The following PPARA variants were observed in gnomAD, a reference collection of about 807,000 sequenced individuals.
The protein encoded by PPARA is peroxisome proliferator activated receptor alpha, also known as peroxisome proliferator-activated receptor alpha.
Under a neutral mutation model 42.2 loss-of-function variants are expected in PPARA, and 22 were observed. That is an observed-to-expected ratio of 0.52 (90% CI 0.37 to 0.74). The LOEUF is 0.74. Among genes scored for constraint, PPARA ranks in the 30% least tolerant of loss-of-function variants. PPARA has a pLI of 0.00. For missense variants in PPARA, 465 were observed against 608.2 expected, an observed-to-expected ratio of 0.76 and a Z score of 2.48; for synonymous variants, 242 against 239.3, an observed-to-expected ratio of 1.01 and a Z score of -0.10.
rs921663111 is a variant in PPARA at position 46,232,963 on chromosome 22, C to T, written c.1159+724C>T. ...CGCCACCACACTCCAGCCTGGGCGACGAAGAATGACCCTGTCTCAAAAAAA... is the reference window on the plus strand; with the variant it reads ...CGCCACCACACTCCAGCCTGGGCGATGAAGAATGACCCTGTCTCAAAAAAA... On this transcript the variant is annotated intron_variant, in intron 8 of 8. Transcript: ENST00000407236. The surrounding 1 kb of genome is among the most constrained non-coding windows in gnomAD (Gnocchi z 5.3). 1.6e-4 allele frequency among the ~76,000 whole-genome samples: 20 copies of T among 128,202 alleles called. No homozygotes were observed. The East Asian group carries it at 2.5e-3, about 16-fold the overall frequency. 84.1% of individuals were successfully genotyped at this position (128,202 alleles called of 152,430 possible).
chr22:46,169,633 C>T (rs1285048790), intron 2 of PPARA, among the ~76,000 whole-genome samples: 1 of 151,962 alleles, frequency 6.6e-6, no homozygotes, highest in Non-Finnish European at 1.5e-5. Context: ...AAGCCCAAAA[C>T]TTCTCTAAAT....
rs946120482 is a variant in PPARA, at chr22:46,182,819, A to G, written c.-43+5983A>G. 1.3e-5 allele frequency among the ~76,000 whole-genome samples: 2 copies of G among 152,178 alleles called. No homozygotes were observed. The highest frequency in any genetic ancestry group is 2.9e-5 in the Non-Finnish European group (2 of 68,020). The stretch of plus-strand genomic sequence containing the variant: ...GAGTGCAATGGCACCGTCTCAGAGC[A>G]CTGTAACCTCCGCCTCCCGGGTTCA... On this transcript the variant is annotated intron_variant, in intron 3 of 8. Transcript: ENST00000407236. The surrounding 1 kb of genome is among the most constrained non-coding windows in gnomAD (Gnocchi z 5.2).
chr22:46,235,529 T>A lies in PPARA; in HGVS notation c.*149T>A, dbSNP rs1936161931. On this transcript the variant is annotated 3_prime_UTR_variant, in exon 9 of 9. Transcript: ENST00000407236. This position sits in a 1 kb window ranked among gnomAD's most constrained non-coding sequence, Gnocchi z 7.0. ...TGAGCTGTAGGTAACCGGCATATTA[T>A]TCCATATCTTTGTTTTAACCAGTAC... The A allele has an allele frequency of 9.6e-7, 1 of 1,039,508 alleles. No individual in the cohort carries two copies. Among genetic ancestry groups the A allele is most frequent in the East Asian group, 2.6e-5 (1 of 38,416 alleles). The allele number at this position is 1,039,508 out of a possible 1,614,324, so 64.4% of individuals were successfully genotyped here. A position where few individuals can be genotyped will look rare whatever the true frequency, so the allele number is the denominator to read the frequency against.
At chr22:46,155,858 C>T (rs1484650354) in intron 2 of PPARA, 2 of 152,198 alleles carry the variant, frequency 1.3e-5, no homozygotes, top group Admixed American at 6.5e-5. Flanking sequence ...GCTTCTTTTT[C>T]CAAGTATTTC....
rs1373284725 is a variant in PPARA at position 46,225,204 on chromosome 22, G to A, written c.711+5190G>A. On this transcript the variant is annotated intron_variant, in intron 7 of 8. Transcript: ENST00000407236. This position sits in a 1 kb window ranked among gnomAD's most constrained non-coding sequence, Gnocchi z 4.1. ...GTCCATCTGGACACTGGGACTGTTT[G>A]AGCCCCTGAGATTTCAGAACCGTGG... Among the ~76,000 whole-genome samples, 2 of 152,238 alleles carry A rather than the reference G, an allele frequency of 1.3e-5. No individual in the cohort carries two copies. Among genetic ancestry groups the A allele is most frequent in the Non-Finnish European group, 2.9e-5 (2 of 67,998 alleles).
chr22:46,198,018 T>G (rs1371334704), intron 3 of PPARA, among the ~76,000 whole-genome samples: 3 of 150,532 alleles, frequency 2.0e-5, no homozygotes, highest in East Asian at 3.9e-4. Context: ...GAATACGAGC[T>G]CAGGAGATCG....
intron 2 of PPARA, among the ~76,000 whole-genome samples, chr22:46,158,169 G>A (rs1421774464): frequency 1.3e-5 from 2 of 152,146 alleles, no homozygotes; most frequent in Non-Finnish European, 2.9e-5. Flanking sequence ...AGCACTTTGG[G>A]AGGCCGAGGT....
chr22:46,193,718 A>C lies in PPARA; in HGVS notation c.-42-4624A>C, dbSNP rs1457707774. ...ACCTCCCATCATTGCTGGGACTGGA[A>C]CAGAAGCCCTACCTTTTCCCAACAC... On this transcript the variant is annotated intron_variant, in intron 3 of 8. Transcript: ENST00000407236. This position sits in a 1 kb window ranked among gnomAD's most constrained non-coding sequence, Gnocchi z 5.3. Among the ~76,000 whole-genome samples, 3 of 152,196 alleles carry C rather than the reference A, an allele frequency of 2.0e-5. No homozygotes were observed. Among genetic ancestry groups the C allele is most frequent in the African/African-American group, 7.2e-5 (3 of 41,450 alleles).
chr22:46,235,741 C>G lies in PPARA; in HGVS notation c.*361C>G, dbSNP rs574688883. The G allele has an allele frequency of 6.0e-6, 2 of 332,092 alleles. No homozygotes were observed. The highest frequency in any genetic ancestry group is 5.6e-5 in the South Asian group (2 of 35,770). 20.6% of individuals were successfully genotyped at this position (332,092 alleles called of 1,614,324 possible). A position where few individuals can be genotyped will look rare whatever the true frequency, so the allele number is the denominator to read the frequency against. ...AACCTCAAAATTCGTGGCCTGTCTT[C>G]CCATTCACCCCGCTTTTGACTATTG... On this transcript the variant is annotated 3_prime_UTR_variant, in exon 9 of 9. Transcript: ENST00000407236. The surrounding 1 kb of genome is among the most constrained non-coding windows in gnomAD (Gnocchi z 7.0).
rs956001607 is a variant in PPARA at position 46,182,328 on chromosome 22, A to G, written c.-43+5492A>G. Reference sequence around the variant, plus strand: ...ATTCAGATGCCATTAATAGGTGAATATATTCTCAAACTGTGGTTATCCATA... The same window carrying G: ...ATTCAGATGCCATTAATAGGTGAATGTATTCTCAAACTGTGGTTATCCATA... On this transcript the variant is annotated intron_variant, in intron 3 of 8. Transcript: ENST00000407236. This position sits in a 1 kb window ranked among gnomAD's most constrained non-coding sequence, Gnocchi z 5.2. Among the ~76,000 whole-genome samples, 7 of 152,368 alleles carry G rather than the reference A, an allele frequency of 4.6e-5. No homozygotes were observed. Among genetic ancestry groups the G allele is most frequent in the Non-Finnish European group, 1.0e-4 (7 of 68,042 alleles).
rs370351813 is a variant in PPARA at position 46,184,737 on chromosome 22, A to G, written c.-43+7901A>G. Among the ~76,000 whole-genome samples, 1 of 152,204 alleles carries G rather than the reference A, an allele frequency of 6.6e-6. No individual in the cohort carries two copies. The highest frequency in any genetic ancestry group is 2.1e-4 in the South Asian group (1 of 4,808). ...AGGCGTGGTGGCGCACGCCTGTAGT[A>G]CCAGCTATTCGGGAGGCTGAGGCAC... On this transcript the variant is annotated intron_variant, in intron 3 of 8. Coordinates refer to ENST00000407236, the MANE Select transcript of PPARA (RefSeq NM_005036.6). This position sits in a 1 kb window ranked among gnomAD's most constrained non-coding sequence, Gnocchi z 4.4.
In PPARA at chr22:46,225,079, C is replaced by T. The variant is rs1193986162; in HGVS notation, c.711+5065C>T. 6.6e-6 allele frequency among the ~76,000 whole-genome samples: 1 copy of T among 151,134 alleles called. No individual in the cohort carries two copies. The highest frequency in any genetic ancestry group is 1.9e-4 in the East Asian group (1 of 5,144). ...GGGTGCACGGAGGAGGCTGTGGGGG[C>T]AGGGGGAGGCCGCTGCATGGAGCCG... On this transcript the variant is annotated intron_variant, in intron 7 of 8. Coordinates refer to ENST00000407236, the MANE Select transcript of PPARA (RefSeq NM_005036.6). This position sits in a 1 kb window ranked among gnomAD's most constrained non-coding sequence, Gnocchi z 4.1.
chr22:46,205,549 TA>T lies in PPARA; in HGVS notation c.208+6959del, dbSNP rs1569226237. ...ATATATATATATATATATATATATATATATATTTTTTTTTTTTTTTTTTTTT... is the reference window on the plus strand; with the variant it reads ...ATATATATATATATATATATATATATTATATTTTTTTTTTTTTTTTTTTTT... On this transcript the variant is annotated intron_variant, in intron 4 of 8. Transcript: ENST00000407236. Among the ~76,000 whole-genome samples, 264 of 36,822 alleles carry T rather than the reference TA, an allele frequency of 7.2e-3. 5 individuals carry two copies. Among genetic ancestry groups the T allele is most frequent in the African/African-American group, 0.022 (160 of 7,220 alleles). The allele number at this position is 36,822 out of a possible 152,430, so 24.2% of individuals were successfully genotyped here. A position where few individuals can be genotyped will look rare whatever the true frequency, so the allele number is the denominator to read the frequency against.
chr22:46,214,657 C>T (rs1242676692), intron 4 of PPARA, among the ~76,000 whole-genome samples: 1 of 126,990 alleles, frequency 7.9e-6, no homozygotes, highest in Non-Finnish European at 1.6e-5. Flanking sequence ...TCCGGGGATC[C>T]ACGGGTCCGG....
Position 46,231,742 on chromosome 22 carries a change from G to C in PPARA, c.712-50G>C. On this transcript the variant is annotated intron_variant, in intron 7 of 8. Transcript: ENST00000407236. The surrounding 1 kb of genome is among the most constrained non-coding windows in gnomAD (Gnocchi z 7.7). ...CTCATTAGTGAGCTGATAGCTGGGA[G>C]CATAGCGCATCCCACATCACCTGAC... 1.9e-6 allele frequency: 3 copies of C among 1,544,934 alleles called. No individual in the cohort carries two copies. The highest frequency in any genetic ancestry group is 2.7e-6 in the Non-Finnish European group (3 of 1,125,488).
rs970532217 is a variant in PPARA, at chr22:46,219,671, C to T, written c.509-141C>T. On this transcript the variant is annotated intron_variant, in intron 6 of 8. Transcript: ENST00000407236. This position sits in a 1 kb window ranked among gnomAD's most constrained non-coding sequence, Gnocchi z 4.8. ...TTTTCATCTCTCCATAGTGGAAAGCCGAATAGTAATGAAGGATGGGTCTGA... is the reference window on the plus strand; with the variant it reads ...TTTTCATCTCTCCATAGTGGAAAGCTGAATAGTAATGAAGGATGGGTCTGA... The T allele has an allele frequency of 8.7e-6, 7 of 805,542 alleles. 1 individual carries two copies. Among genetic ancestry groups the T allele is most frequent in the East Asian group, 2.7e-5 (1 of 37,454 alleles). 49.9% of individuals were successfully genotyped at this position (805,542 alleles called of 1,614,324 possible).
rs1934676708 is a variant in PPARA at position 46,218,265 on chromosome 22, C to T, written c.372C>T (p.Gly124=). The change falls in exon 6 of 9, where the codon GGC becomes GGT. Residue 124 remains glycine, a splice_region_variant and synonymous_variant. Coordinates refer to ENST00000407236, the MANE Select transcript of PPARA (RefSeq NM_005036.6). ...TCCACTGTGTATTACCCTCACAGGG[C>T]TTCTTTCGGCGAACGATTCGACTCA... ...YGVHACEGCK[G]FFRRTIRLKL... is the part of the protein sequence containing the mutation. 6.2e-7 allele frequency: 1 copy of T among 1,614,088 alleles called. No individual in the cohort carries two copies. The highest frequency in any genetic ancestry group is 2.2e-5 in the East Asian group (1 of 44,880).
rs201639993 is a variant in PPARA at position 46,219,161 on chromosome 22, C to CA, written c.509-642dup. 1.1e-3 allele frequency among the ~76,000 whole-genome samples: 152 copies of CA among 143,972 alleles called. 1 individual carries two copies. Among genetic ancestry groups the CA allele is most frequent in the Non-Finnish European group, 7.2e-4 (47 of 65,708 alleles). 94.5% of individuals were successfully genotyped at this position (143,972 alleles called of 152,430 possible). ...TGGGCGACAGAGTGCGACTCCGTCT[C>CA]AAAAAAAAAGAAAAAAAAAGAAAAA... On this transcript the variant is annotated intron_variant, in intron 6 of 8. Coordinates refer to ENST00000407236, the MANE Select transcript of PPARA (RefSeq NM_005036.6). This position sits in a 1 kb window ranked among gnomAD's most constrained non-coding sequence, Gnocchi z 4.8.
rs368101062 is a variant in PPARA, at chr22:46,184,723, C to T, written c.-43+7887C>T. Among the ~76,000 whole-genome samples the T allele has an allele frequency of 1.3e-5, 2 of 152,140 alleles. No homozygotes were observed. Among genetic ancestry groups the T allele is most frequent in the Admixed American group, 6.5e-5 (1 of 15,278 alleles). On this transcript the variant is annotated intron_variant, in intron 3 of 8. Coordinates refer to ENST00000407236, the MANE Select transcript of PPARA (RefSeq NM_005036.6). The surrounding 1 kb of genome is among the most constrained non-coding windows in gnomAD (Gnocchi z 4.4). The stretch of plus-strand genomic sequence containing the variant: ...TACAAAAATTAGCCAGGCGTGGTGG[C>T]GCACGCCTGTAGTACCAGCTATTCG...
Sources: gnomAD v4.1 joint callset for allele counts (sites outside exome capture counted in the v4.1 genomes callset) on GRCh38, gnomAD v4.1.1 for gene constraint, Gnocchi (gnomAD v3.1) non-coding constraint, MANE v1.5 for transcripts, NCBI Gene and HGNC (gene_info 2026-07-23, HGNC 2026-07-21) for gene names.